HDAC9: variants seen among roughly 807,000 people sequenced by gnomAD.
HDAC9 encodes the protein MEF-2 interacting transcription repressor (MITR) protein.
A neutral mutation model predicts 139.4 loss-of-function variants in HDAC9; 41 were observed. That is an observed-to-expected ratio of 0.29 (90% CI 0.23 to 0.38). HDAC9 has a LOEUF of 0.38. HDAC9 is among the 10% of genes least tolerant of loss of function. HDAC9 has a pLI of 1.00. For synonymous variants in HDAC9, 517 were observed against 476.2 expected, an observed-to-expected ratio of 1.09 and a Z score of -1.12; for missense variants, 1,147 against 1,297.0, an observed-to-expected ratio of 0.88 and a Z score of 1.78.
chr7:18,312,548 A>T (rs1334033816), intron 1 of HDAC9, among the ~76,000 whole-genome samples: 1 of 152,168 alleles, frequency 6.6e-6, no homozygotes, highest in Non-Finnish European at 1.5e-5. Flanking sequence ...GTTAGAAGAC[A>T]TTAGGTAATT....
At chr7:18,936,575 C>A (rs1781650520) in intron 23 of HDAC9, among the ~76,000 whole-genome samples, 1 of 152,226 alleles carries the variant, frequency 6.6e-6, no homozygotes, top group African/African-American at 2.4e-5. Flanking sequence ...AGGTTCACTT[C>A]CAGCTCATGG....
intron 21 of HDAC9, among the ~76,000 whole-genome samples, chr7:18,851,928 A>G (rs547818245): frequency 2.0e-5 from 3 of 152,212 alleles, no homozygotes; most frequent in Admixed American, 6.5e-5. Context: ...GCTACTCAGC[A>G]ATGCCTTCTT....
Position 18,727,672 on chromosome 7 carries a change from C to T in HDAC9, c.1824C>T (p.Leu608=), listed in dbSNP as rs368892578. 5 of 1,592,130 alleles carry T rather than the reference C, an allele frequency of 3.1e-6. No homozygotes were observed. Among genetic ancestry groups the T allele is most frequent in the Non-Finnish European group, 4.3e-6 (5 of 1,171,830 alleles). The change falls in exon 13 of 26, where the codon CTC becomes CTT. Residue 608 remains leucine (L), a synonymous_variant. Transcript: ENST00000686413. ...TGGATGGATTAGAGAAACACCGTCT[C>T]GTCTCCAGGACTCACTCTTCCCCTG... ...VGMDGLEKHR[L]VSRTHSSPAA...
intron 1 of HDAC9, among the ~76,000 whole-genome samples, chr7:18,366,033 G>A (rs1303022275): frequency 6.6e-6 from 1 of 151,144 alleles, no homozygotes; most frequent in Non-Finnish European, 1.5e-5. Flanking sequence ...CATAGATTAT[G>A]GTTGAAAAAT....
intron 22 of HDAC9, among the ~76,000 whole-genome samples, chr7:18,916,489 T>G (rs1174874791): frequency 1.3e-5 from 2 of 151,942 alleles, no homozygotes; most frequent in African/African-American, 4.8e-5. Flanking sequence ...GAGATAGAGA[T>G]AGAAGCTATT....
At chr7:18,772,170 G>GA (rs1342389313) in intron 16 of HDAC9, among the ~76,000 whole-genome samples, 2 of 152,118 alleles carry the variant, frequency 1.3e-5, no homozygotes, top group South Asian at 2.1e-4. Flanking sequence ...AAATTTTCAA[G>GA]AAGAATTAGC....
chr7:18,519,000 A>C (rs767138679), intron 2 of HDAC9, among the ~76,000 whole-genome samples: 9 of 152,218 alleles, frequency 5.9e-5, no homozygotes, highest in Non-Finnish European at 1.3e-4. Flanking sequence ...CCAGAAGCCC[A>C]GTGTCTGTAT....
At chr7:18,456,512 G>A (rs778520899) in intron 1 of HDAC9, among the ~76,000 whole-genome samples, 2 of 152,130 alleles carry the variant, frequency 1.3e-5, no homozygotes, top group Non-Finnish European at 1.5e-5. Flanking sequence ...TGGGATTACA[G>A]GTGGTAGCAA....
chr7:18,628,233 C>T (rs534130835), intron 6 of HDAC9, among the ~76,000 whole-genome samples: 17 of 152,212 alleles, frequency 1.1e-4, no homozygotes, highest in Middle Eastern at 3.4e-3. Context: ...TAGACTTATG[C>T]CAGACTACCT....
intron 1 of HDAC9, among the ~76,000 whole-genome samples, chr7:18,425,184 A>G (rs545214889): frequency 3.9e-5 from 6 of 152,364 alleles, no homozygotes; most frequent in Admixed American, 3.3e-4. Context: ...GACAGCTTGC[A>G]GGATTGTGTC....
At chr7:18,880,241 C>T (rs1799630088) in intron 22 of HDAC9, among the ~76,000 whole-genome samples, 2 of 152,264 alleles carry the variant, frequency 1.3e-5, no homozygotes, top group South Asian at 4.1e-4. Flanking sequence ...TTGTGGAAAG[C>T]AGTGTGGCAA....
intron 6 of HDAC9, among the ~76,000 whole-genome samples, chr7:18,615,745 T>C (rs1838400574): frequency 6.6e-6 from 1 of 152,222 alleles, no homozygotes; most frequent in African/African-American, 2.4e-5. Context: ...AAATCTGATC[T>C]AGTCAGAACC....
At chr7:18,745,782 A>G (rs1042622726) in intron 13 of HDAC9, among the ~76,000 whole-genome samples, 1 of 150,570 alleles carries the variant, frequency 6.6e-6, no homozygotes, top group African/African-American at 2.4e-5. Context: ...TGCTGACCTC[A>G]TGATCCATCC....
chr7:18,630,519 G>T (rs994197702), intron 7 of HDAC9, among the ~76,000 whole-genome samples: 1 of 152,034 alleles, frequency 6.6e-6, no homozygotes, highest in Non-Finnish European at 1.5e-5. Context: ...AAGTTTGGCC[G>T]ATAATTTTTG....
intron 1 of HDAC9, among the ~76,000 whole-genome samples, chr7:18,345,920 G>C (rs375900160): frequency 2.0e-5 from 3 of 152,046 alleles, no homozygotes; most frequent in African/African-American, 7.2e-5. Flanking sequence ...TCTCTTCAAG[G>C]AGCCGCATGT....
At chr7:18,929,202 A>G (rs1456202298) in intron 22 of HDAC9, among the ~76,000 whole-genome samples, 1 of 152,182 alleles carries the variant, frequency 6.6e-6, no homozygotes, top group Non-Finnish European at 1.5e-5. Context: ...AAACTAGAGA[A>G]AATACTGACA....
At chr7:18,927,276 C>T (rs912556256) in intron 22 of HDAC9, among the ~76,000 whole-genome samples, 6 of 152,142 alleles carry the variant, frequency 3.9e-5, no homozygotes, top group African/African-American at 1.4e-4. Context: ...ATATGAATTA[C>T]AGCACCATGA....
At chr7:18,092,594 A>G (rs946944337) in intron 1 of HDAC9, among the ~76,000 whole-genome samples, 2 of 152,102 alleles carry the variant, frequency 1.3e-5, no homozygotes, top group Non-Finnish European at 1.5e-5. Context: ...TCCACATATA[A>G]TAATGGGGTC....
intron 13 of HDAC9, among the ~76,000 whole-genome samples, chr7:18,740,082 C>T (rs1302576058): frequency 2.0e-5 from 3 of 152,310 alleles, no homozygotes; most frequent in Non-Finnish European, 2.9e-5. Context: ...AAGCCAGGCA[C>T]GGAAGAGAAT....
Sources: allele counts gnomAD v4.1 joint callset (sites outside exome capture counted in the v4.1 genomes callset), GRCh38; gene constraint gnomAD v4.1.1; transcripts MANE v1.5; gene names NCBI Gene and HGNC (gene_info 2026-07-23, HGNC 2026-07-21).